DENND1A: variants seen among roughly 807,000 people sequenced by gnomAD.
DENND1A encodes the protein DENN domain-containing protein 1A.
DENND1A carries 51 observed loss-of-function variants against 113.7 expected under a neutral mutation model. The ratio of observed to expected loss-of-function variants is 0.45; its 90% CI spans 0.36 to 0.57. DENND1A has a LOEUF of 0.57. Among genes scored for constraint, DENND1A ranks in the 20% least tolerant of loss-of-function variants. The pLI is 0.00. For synonymous variants in DENND1A, 565 were observed against 570.8 expected (o/e 0.99, Z 0.14); for missense variants, 1,258 against 1,395.9 (o/e 0.90, Z 1.57).
chr9:123,674,336 T>TCACA (rs1564925825), intron 6 of DENND1A, among the ~76,000 whole-genome samples: 15 of 123,088 alleles, frequency 1.2e-4, no homozygotes, highest in African/African-American at 4.8e-4. Context: ...TGTCTCTGTC[T>TCACA]CTCTCTCACA....
intron 18 of DENND1A, among the ~76,000 whole-genome samples, chr9:123,445,131 A>G (rs2047205940): frequency 6.6e-6 from 1 of 152,226 alleles, no homozygotes; most frequent in African/African-American, 2.4e-5. Context: ...AGAAGAAGGC[A>G]GGCACGGCAT....
intron 2 of DENND1A, among the ~76,000 whole-genome samples, chr9:123,808,833 C>T (rs771072988): frequency 4.6e-5 from 7 of 152,222 alleles, no homozygotes; most frequent in Non-Finnish European, 1.0e-4. Flanking sequence ...AGTGAAAGCT[C>T]TCAAGCCAAC....
chr9:123,631,802 T>C (rs1182058827), intron 9 of DENND1A, among the ~76,000 whole-genome samples: 2 of 152,134 alleles, frequency 1.3e-5, no homozygotes, highest in South Asian at 2.1e-4. Context: ...CAGTATTTGA[T>C]GCAATTAAAA....
At position 123,536,466 on chromosome 9, in the gene DENND1A, CAAAAAA is replaced by C. The variant is rs549789129; in HGVS notation, c.993+21098_993+21103del. 1.5e-4 allele frequency among the ~76,000 whole-genome samples: 14 copies of C among 91,766 alleles called. 1 individual carries two copies. The highest frequency in any genetic ancestry group is 4.5e-4 in the African/African-American group (12 of 26,544). The allele number at this position is 91,766 out of a possible 152,430, so 60.2% of individuals were successfully genotyped here. A position where few individuals can be genotyped will look rare whatever the true frequency, so the allele number is the denominator to read the frequency against. ...GGCAACAAGAACAAAACTCTGTCTC[CAAAAAA>C]AAAAAAAAAAGAAAAAGAAAAGCTG... On this transcript the variant is annotated intron_variant, in intron 13 of 23. Transcript: ENST00000394215.
intron 21 of DENND1A, among the ~76,000 whole-genome samples, chr9:123,397,588 T>C (rs559231440): frequency 6.6e-6 from 1 of 152,204 alleles, no homozygotes; most frequent in South Asian, 2.1e-4. Context: ...TCACAGACAA[T>C]AGGGGTTACA....
chr9:123,431,916 G>A (rs1487989706), intron 19 of DENND1A, among the ~76,000 whole-genome samples: 1 of 152,212 alleles, frequency 6.6e-6, no homozygotes, highest in East Asian at 1.9e-4. Context: ...GGTGGACTAA[G>A]CTTGGTCCCT....
intron 5 of DENND1A, among the ~76,000 whole-genome samples, chr9:123,730,951 T>C (rs1044139350): frequency 6.6e-6 from 1 of 152,196 alleles, no homozygotes; most frequent in Non-Finnish European, 1.5e-5. Context: ...GTTCATGTTC[T>C]TTGCAGCGAC....
intron 9 of DENND1A, among the ~76,000 whole-genome samples, chr9:123,636,697 C>CTT (rs112301152): frequency 1.1e-4 from 13 of 119,654 alleles, no homozygotes; most frequent in Non-Finnish European, 1.9e-4. Context: ...GATTACCAGA[C>CTT]TTTTTTTTTT....
intron 21 of DENND1A, among the ~76,000 whole-genome samples, chr9:123,391,064 C>T (rs1356200462): frequency 3.3e-5 from 5 of 152,368 alleles, no homozygotes; most frequent in Admixed American, 1.3e-4. Context: ...CACAATCCAG[C>T]GCTGCCCACA....
chr9:123,787,631 A>G (rs1035085358), intron 3 of DENND1A, among the ~76,000 whole-genome samples: 1 of 152,234 alleles, frequency 6.6e-6, no homozygotes, highest in African/African-American at 2.4e-5. Context: ...CATGCAACTC[A>G]GAAATGCCAA....
rs372500256 is a variant in DENND1A at position 123,403,579 on chromosome 9, C to G, written c.1543-89G>C. 6.5e-6 allele frequency: 8 copies of G among 1,231,010 alleles called. No homozygotes were observed. The East Asian group carries it at 1.0e-4, about 15-fold the overall frequency. 76.3% of individuals were successfully genotyped at this position (1,231,010 alleles called of 1,614,324 possible). On this transcript the variant is annotated intron_variant, in intron 20 of 23. Coordinates refer to ENST00000394215, the MANE Select transcript of DENND1A (RefSeq NM_001352964.2). ...TCTGAACATTTGGATAAACGGCCCCCCCAAAAAACGTTTAGGGATTTTCAA... is the reference window on the plus strand; with the variant it reads ...TCTGAACATTTGGATAAACGGCCCCGCCAAAAAACGTTTAGGGATTTTCAA...
At chr9:123,423,236 T>C (rs1211709929) in intron 19 of DENND1A, among the ~76,000 whole-genome samples, 1 of 152,128 alleles carries the variant, frequency 6.6e-6, no homozygotes, top group Non-Finnish European at 1.5e-5. Context: ...GGCTGAAAGT[T>C]ACAGGGCTCC....
At chr9:123,454,847 TGC>T (rs1458368042) in intron 15 of DENND1A, 68 bp from the exon 16 acceptor site, 10 of 1,415,624 alleles carry the variant, frequency 7.1e-6, no homozygotes, top group Non-Finnish European at 6.7e-6. Context: ...TCCTTAAAAT[TGC>T]TTTTTTTTTT....
chr9:123,421,894 A>C (rs1311430473), intron 19 of DENND1A, among the ~76,000 whole-genome samples: 3 of 151,344 alleles, frequency 2.0e-5, no homozygotes, highest in Admixed American at 6.6e-5. Flanking sequence ...CCCCCGATAA[A>C]CCCCACCACA....
At chr9:123,779,800 A>G (rs1830990834) in intron 3 of DENND1A, among the ~76,000 whole-genome samples, 1 of 152,134 alleles carries the variant, frequency 6.6e-6, no homozygotes, top group Middle Eastern at 3.2e-3. Flanking sequence ...GTATTCTGGA[A>G]CAGAGGAGAC....
intron 12 of DENND1A, among the ~76,000 whole-genome samples, chr9:123,559,114 G>A (rs1314287804): frequency 5.9e-5 from 9 of 152,176 alleles, no homozygotes; most frequent in South Asian, 2.1e-4. Context: ...GGTGAGCACC[G>A]CGTGCTAAGT....
intron 21 of DENND1A, among the ~76,000 whole-genome samples, chr9:123,397,549 G>C (rs2043197553): frequency 6.6e-6 from 1 of 152,212 alleles, no homozygotes; most frequent in Non-Finnish European, 1.5e-5. Context: ...GGCAGACCAT[G>C]AGCATACACA....
chr9:123,813,353 T>C (rs987242848), intron 2 of DENND1A, among the ~76,000 whole-genome samples: 2 of 152,208 alleles, frequency 1.3e-5, no homozygotes, highest in African/African-American at 2.4e-5. Context: ...TGCTTTTTAA[T>C]GTACATCTTT....
intron 21 of DENND1A, among the ~76,000 whole-genome samples, chr9:123,391,898 T>C (rs974575399): frequency 1.9e-4 from 29 of 152,084 alleles, no homozygotes; most frequent in Non-Finnish European, 4.0e-4. Flanking sequence ...GCGGCAAACT[T>C]GGCTGCCCAG....
Sources: allele counts gnomAD v4.1 joint callset (sites outside exome capture counted in the v4.1 genomes callset), GRCh38; gene constraint gnomAD v4.1.1; transcripts MANE v1.5; gene names NCBI Gene and HGNC (gene_info 2026-07-23, HGNC 2026-07-21).